The following SIGLEC11 variants were observed in gnomAD, a reference collection of about 807,000 sequenced individuals.
SIGLEC11 encodes the protein sialic acid-binding Ig-like lectin 11.
In SIGLEC11, 47 loss-of-function variants were observed where a neutral mutation model predicts 61.2. That is an observed-to-expected ratio of 0.77 (90% CI 0.61 to 0.98). The LOEUF (loss-of-function observed/expected upper bound fraction) is 0.98. SIGLEC11 is among the 50% of genes least tolerant of loss of function. SIGLEC11 has a pLI of 0.00. For missense variants in SIGLEC11, 610 were observed against 870.3 expected (o/e 0.70, Z 3.76); for synonymous variants, 278 against 373.1 (o/e 0.75, Z 2.94).
rs1222393383 is a variant in SIGLEC11 at position 49,951,378 on chromosome 19, G to A, written c.1830+513C>T. Among the ~76,000 whole-genome samples, 1 of 152,202 alleles carries A rather than the reference G, an allele frequency of 6.6e-6. No individual in the cohort carries two copies. The highest frequency in any genetic ancestry group is 1.5e-5 in the Non-Finnish European group (1 of 68,038). On this transcript the variant is annotated intron_variant, in intron 10 of 10. Transcript: ENST00000447370. The surrounding 1 kb of genome is among the most constrained non-coding windows in gnomAD (Gnocchi z 4.6). ...CTCTTCCTGTCCATGATTTTCATCT[G>A]TATCGGTCACTATAAACCATCACCA...
At position 49,958,491 on chromosome 19, in the gene SIGLEC11, C is replaced by A; in HGVS notation, c.1443G>T (p.Pro481=). ...CAAGCCACCAGCGCAGAGAGGGGGC[C>A]GGGCTGGCCTGGGAGGAGCAGCTGC... The part of the protein sequence containing the change: ...LHCSCSSQAS[P]APSLRWWLGE... Residue 481 remains proline (P), a synonymous_variant, in exon 8 of 11, where the codon CCG becomes CCT. Coordinates refer to ENST00000447370, the MANE Select transcript of SIGLEC11 (RefSeq NM_052884.3). 1 of 1,610,978 alleles carries A rather than the reference C, an allele frequency of 6.2e-7. No homozygotes were observed. The highest frequency in any genetic ancestry group is 8.5e-7 in the Non-Finnish European group (1 of 1,178,952).
chr19:49,960,426 G>C lies in SIGLEC11; in HGVS notation c.461-5C>G. ...CATCAGGCTTCTTAGTCAGGGCTGG[G>C]ACAGAGACCGGGTGGGAGATTCTTG... On this transcript the variant is annotated splice_polypyrimidine_tract_variant and splice_region_variant and intron_variant, in intron 2 of 10. Coordinates refer to ENST00000447370, the MANE Select transcript of SIGLEC11 (RefSeq NM_052884.3). 6.3e-7 allele frequency: 1 copy of C among 1,586,950 alleles called. No homozygotes were observed. The highest frequency in any genetic ancestry group is 8.5e-7 in the Non-Finnish European group (1 of 1,175,936).
Position 49,955,929 on chromosome 19 carries a change from C to T in SIGLEC11, c.1651+2354G>A, listed in dbSNP as rs935670332. Reference sequence around the variant, plus strand: ...CAGCCAGGGCAACAGAGCGAGACTCCGTCTCAAAAAAAAAAAAAAAAAGAA... The same window carrying T: ...CAGCCAGGGCAACAGAGCGAGACTCTGTCTCAAAAAAAAAAAAAAAAAGAA... On this transcript the variant is annotated intron_variant, in intron 8 of 10. Transcript: ENST00000447370. This position sits in a 1 kb window ranked among gnomAD's most constrained non-coding sequence, Gnocchi z 4.5. 5.7e-5 allele frequency among the ~76,000 whole-genome samples: 8 copies of T among 140,620 alleles called. No homozygotes were observed. The highest frequency in any genetic ancestry group is 2.0e-4 in the East Asian group (1 of 5,056). 92.3% of individuals were successfully genotyped at this position (140,620 alleles called of 152,430 possible).
intron 8 of SIGLEC11, among the ~76,000 whole-genome samples, chr19:49,957,540 C>T (rs1162579828): frequency 6.6e-6 from 1 of 151,460 alleles, no homozygotes; most frequent in African/African-American, 2.4e-5. Flanking sequence ...AAAAAAAAGA[C>T]AAATTCTTTT....
chr19:49,960,538 A>G lies in SIGLEC11; in HGVS notation c.460+14T>C, dbSNP rs1175520773. On this transcript the variant is annotated intron_variant, in intron 2 of 10. Coordinates refer to ENST00000447370, the MANE Select transcript of SIGLEC11 (RefSeq NM_052884.3). Reference sequence around the variant, plus strand: ...CCCAGTGTGACAGGCAGGGGTTCCCACCCCATTCCATACCTGTTACTTTTA... The same window carrying G: ...CCCAGTGTGACAGGCAGGGGTTCCCGCCCCATTCCATACCTGTTACTTTTA... 14 of 1,596,208 alleles carry G rather than the reference A, an allele frequency of 8.8e-6. 1 individual carries two copies. In the Admixed American group the frequency reaches 1.0e-4, roughly 11 times the overall value.
Position 49,960,819 on chromosome 19 carries a change from C to G in SIGLEC11, c.193G>C (p.Glu65Gln). Residue 65 changes from glutamate (E) to glutamine (Q), a missense_variant, in exon 2 of 11, where the codon GAG becomes CAG. Glu to Gln is a conservative substitution (Grantham distance 29, BLOSUM62 2). Around this residue, in one of 6 missense-constraint regions of SIGLEC11, gnomAD observed 27 missense variants for 96.0 expected, o/e 0.28. Transcript: ENST00000447370. ...CAGTAGCCATAAGCAGCAGTAGACT[C>G]GTCCCAGCCATCCCGGGGGTAGGAG... is the stretch of plus-strand genomic sequence containing the variant. The part of the protein sequence containing the change: ...NLSYPRDGWD[E>Q]STAAYGYWFK... The G allele has an allele frequency of 6.2e-7, 1 of 1,613,354 alleles. No individual in the cohort carries two copies. Among genetic ancestry groups the G allele is most frequent in the South Asian group, 1.1e-5 (1 of 91,058 alleles).
rs1195477749 is a variant in SIGLEC11 at position 49,951,673 on chromosome 19, T to C, written c.1830+218A>G. ...ACTGGATCTGAGCACAGGCAGAGTATGGACAGGCCTGGGGGGCCCTTGGTT... is the reference window on the plus strand; with the variant it reads ...ACTGGATCTGAGCACAGGCAGAGTACGGACAGGCCTGGGGGGCCCTTGGTT... On this transcript the variant is annotated intron_variant, in intron 10 of 10. Transcript: ENST00000447370. This position sits in a 1 kb window ranked among gnomAD's most constrained non-coding sequence, Gnocchi z 4.6. 6.6e-6 allele frequency among the ~76,000 whole-genome samples: 1 copy of C among 151,986 alleles called. No homozygotes were observed. Among genetic ancestry groups the C allele is most frequent in the Non-Finnish European group, 1.5e-5 (1 of 67,968 alleles).
chr19:49,952,078 G>A, intron 9 of SIGLEC11, 106 bp from the exon 10 acceptor site: 2 of 1,203,058 alleles, frequency 1.7e-6, no homozygotes, highest in Non-Finnish European at 2.3e-6. Context: ...AGCCCAGTGG[G>A]GTGGGGACAT....
At chr19:49,953,349 T>A (rs1213511048) in intron 8 of SIGLEC11, among the ~76,000 whole-genome samples, 3 of 151,970 alleles carry the variant, frequency 2.0e-5, no homozygotes, top group Non-Finnish European at 4.4e-5. Context: ...TCTTGCGGGG[T>A]GCCTAACAGT....
In SIGLEC11 at chr19:49,958,453, A is replaced by G. The variant is rs764698634; in HGVS notation, c.1481T>C (p.Leu494Pro). The change falls in exon 8 of 11, where the codon CTG becomes CCG. Residue 494 changes from leucine (L) to proline (P), a missense_variant. This residue lies in a region of SIGLEC11 where 432 missense variants were observed against 441.5 expected (regional missense o/e 0.98). Transcript: ENST00000447370. The stretch of plus-strand genomic sequence containing the variant: ...GGAGCCCTGACTGCTGTTCCCCTCC[A>G]GCAGCTCCTCCCCAAGCCACCAGCG... ...SLRWWLGEEL[L>P]EGNSSQGSFE... 1.2e-6 allele frequency: 2 copies of G among 1,613,370 alleles called. No homozygotes were observed. Among genetic ancestry groups the G allele is most frequent in the South Asian group, 2.2e-5 (2 of 91,030 alleles).
In SIGLEC11 at chr19:49,958,403, C is replaced by A. The variant is rs569790579; in HGVS notation, c.1531G>T (p.Gly511Trp). Residue 511 changes from glycine (G) to tryptophan (W), a missense_variant, in exon 8 of 11, where the codon GGG becomes TGG. By Grantham distance (184) the Gly-to-Trp change is radical. Around this residue, in one of 6 missense-constraint regions of SIGLEC11, gnomAD observed 432 missense variants for 441.5 expected, o/e 0.98. Coordinates refer to ENST00000447370, the MANE Select transcript of SIGLEC11 (RefSeq NM_052884.3). ...GSFEVTPSSA[G>W]PWANSSLSLH... is the part of the protein sequence containing the mutation. ...CTCAGGGAGCTGTTGGCCCAGGGCC[C>A]GGCTGAGCTGGGGGTGACCTCGAAG... 1 of 1,614,092 alleles carries A rather than the reference C, an allele frequency of 6.2e-7. No individual in the cohort carries two copies. The highest frequency in any genetic ancestry group is 8.5e-7 in the Non-Finnish European group (1 of 1,180,012).
At chr19:49,957,824 A>C (rs1034418474) in intron 8 of SIGLEC11, among the ~76,000 whole-genome samples, 1 of 152,160 alleles carries the variant, frequency 6.6e-6, no homozygotes, top group African/African-American at 2.4e-5. Flanking sequence ...ACATAGTGAA[A>C]CTAAAAATAC....
At position 49,953,282 on chromosome 19, in the gene SIGLEC11, CT is replaced by C. The variant is rs1395195108; in HGVS notation, c.1652-889del. 2.6e-5 allele frequency among the ~76,000 whole-genome samples: 4 copies of C among 152,158 alleles called. No homozygotes were observed. The East Asian group carries it at 7.7e-4, about 29-fold the overall frequency. ...AGTGTACGTCAGGAACCACAGTAAC[CT>C]TTTGGGGACCAAGGCAGGACCCATC... On this transcript the variant is annotated intron_variant, in intron 8 of 10. Coordinates refer to ENST00000447370, the MANE Select transcript of SIGLEC11 (RefSeq NM_052884.3).
chr19:49,954,514 T>C (rs2076182187), intron 8 of SIGLEC11, among the ~76,000 whole-genome samples: 1 of 152,150 alleles, frequency 6.6e-6, no homozygotes, highest in Non-Finnish European at 1.5e-5. Context: ...CTTATTGTAA[T>C]AACCAAGGCC....
chr19:49,952,468 A>G, intron 8 of SIGLEC11, 74 bp from the exon 9 acceptor site: 1 of 1,095,508 alleles, frequency 9.1e-7, no homozygotes, highest in Non-Finnish European at 1.3e-6. Flanking sequence ...CCACAGACCT[A>G]GAGCTCTCGG....
chr19:49,952,489 C>T (rs371971235), intron 8 of SIGLEC11, 95 bp from the exon 9 acceptor site: 9 of 822,340 alleles, frequency 1.1e-5, no homozygotes, highest in East Asian at 7.7e-5. Context: ...ATTCTTCATC[C>T]CCAACTGAGG....
intron 8 of SIGLEC11, among the ~76,000 whole-genome samples, chr19:49,954,559 A>G (rs1439172371): frequency 1.3e-5 from 2 of 152,142 alleles, no homozygotes; most frequent in East Asian, 1.9e-4. Context: ...ACCTTCATCT[A>G]TCAGCCCTTT....
intron 8 of SIGLEC11, among the ~76,000 whole-genome samples, chr19:49,953,976 C>T (rs1274716856): frequency 2.6e-5 from 4 of 152,010 alleles, no homozygotes; most frequent in Admixed American, 6.5e-5. Flanking sequence ...GATGGCTGAC[C>T]GAAGAAACTG....
At chr19:49,952,247 T>A in intron 9 of SIGLEC11, 51 bp downstream of exon 9, 1 of 1,567,602 alleles carries the variant, frequency 6.4e-7, no homozygotes. Context: ...TCTGGGATTC[T>A]AGAACCCTCA....
Sources: gnomAD v4.1 joint callset for allele counts (sites outside exome capture counted in the v4.1 genomes callset) on GRCh38, gnomAD v4.1.1 for gene constraint, gnomAD v4.1.1 regional missense constraint, Gnocchi (gnomAD v3.1) non-coding constraint, MANE v1.5 for transcripts, NCBI Gene and HGNC (gene_info 2026-07-23, HGNC 2026-07-21) for gene names.